The following COL28A1 variants were observed in gnomAD, a reference collection of about 807,000 sequenced individuals.
COL28A1 encodes collagen type XXVIII alpha 1 chain.
Under a neutral mutation model 150.2 loss-of-function variants are expected in COL28A1, and 161 were observed. That is an observed-to-expected ratio of 1.07 (90% CI 0.94 to 1.22). COL28A1 has a LOEUF of 1.22. Among genes scored for constraint, COL28A1 ranks in the 50% most tolerant of loss-of-function variants. COL28A1 has a pLI of 0.00. For missense variants in COL28A1, 1,617 were observed against 1,388.3 expected (o/e 1.16, Z -2.62); for synonymous variants, 552 against 469.7 (o/e 1.18, Z -2.26).
intron 18 of COL28A1, among the ~76,000 whole-genome samples, chr7:7,447,748 A>G (rs939349721): frequency 2.6e-5 from 4 of 152,216 alleles, no homozygotes; most frequent in Non-Finnish European, 5.9e-5. Context: ...CATGGAAGAA[A>G]AGATTAGTGA....
intron 8 of COL28A1, among the ~76,000 whole-genome samples, chr7:7,512,259 AT>A (rs1781183774): frequency 6.6e-6 from 1 of 152,212 alleles, no homozygotes; most frequent in African/African-American, 2.4e-5. Flanking sequence ...AACTAGTTAG[AT>A]AGGAGCAATA....
At chr7:7,492,323 C>A (rs1270114876) in intron 11 of COL28A1, among the ~76,000 whole-genome samples, 1 of 151,678 alleles carries the variant, frequency 6.6e-6, no homozygotes, top group African/African-American at 2.4e-5. Context: ...CCTGTAATCC[C>A]AGCACTTTGG....
rs1004454922 is a variant in COL28A1 at position 7,396,795 on chromosome 7, T to C, written c.2137-15183A>G. ...TTCAAATGGTGATCTAGTTCCATTG[T>C]GTCTGGTGAAAGGCAGAGAAATAGT... On this transcript the variant is annotated intron_variant, in intron 27 of 34. Transcript: ENST00000399429. Among the ~76,000 whole-genome samples the C allele has an allele frequency of 2.6e-5, 4 of 152,224 alleles. 1 individual carries two copies. The highest frequency in any genetic ancestry group is 3.8e-4 in the East Asian group (2 of 5,198).
intron 15 of COL28A1, among the ~76,000 whole-genome samples, chr7:7,461,002 T>G (rs1053458598): frequency 4.6e-5 from 7 of 152,144 alleles, no homozygotes; most frequent in African/African-American, 1.7e-4. Context: ...GGAATACATT[T>G]GGAAAGCCAA....
In COL28A1 at chr7:7,360,552, G is replaced by T. The variant is rs371545925; in HGVS notation, c.3067-24C>A. 5.0e-6 allele frequency: 8 copies of T among 1,584,856 alleles called. No homozygotes were observed. The African/African-American group carries it at 9.6e-5, about 19-fold the overall frequency. On this transcript the variant is annotated intron_variant, in intron 33 of 34. Transcript: ENST00000399429. ...AACTACACAAAAATATTCACATTTT[G>T]TGTTTCTGATAATATCAAGTAAAAA...
intron 9 of COL28A1, among the ~76,000 whole-genome samples, chr7:7,508,348 A>T (rs1780936607): frequency 6.6e-6 from 1 of 152,220 alleles, no homozygotes; most frequent in Non-Finnish European, 1.5e-5. Flanking sequence ...CTTTGACCTA[A>T]TATTATAATG....
At chr7:7,391,443 T>A (rs755975124) in intron 27 of COL28A1, among the ~76,000 whole-genome samples, 2 of 152,238 alleles carry the variant, frequency 1.3e-5, no homozygotes, top group Non-Finnish European at 2.9e-5. Flanking sequence ...CTGAGAAGAA[T>A]GCATATTCTG....
At chr7:7,344,042 C>T in the COL28A1 span, among the ~76,000 whole-genome samples, 2 of 151,622 alleles carry the variant, frequency 1.3e-5, no homozygotes, top group Non-Finnish European at 2.9e-5. Context: ...GGTGCAGGTG[C>T]ATTTCTTAAT....
At chr7:7,345,957 T>C in the COL28A1 span, among the ~76,000 whole-genome samples, 1 of 152,104 alleles carries the variant, frequency 6.6e-6, no homozygotes, top group Non-Finnish European at 1.5e-5. Context: ...TTTTTCATCA[T>C]CCACAAGCTC....
Position 7,385,369 on chromosome 7 carries a change from G to A in COL28A1, c.2137-3757C>T, listed in dbSNP as rs1476777893. Among the ~76,000 whole-genome samples the A allele has an allele frequency of 3.3e-5, 5 of 152,268 alleles. No homozygotes were observed. In the East Asian group the frequency reaches 9.7e-4, roughly 29 times the overall value. On this transcript the variant is annotated intron_variant, in intron 27 of 34. Coordinates refer to ENST00000399429, the MANE Select transcript of COL28A1 (RefSeq NM_001037763.3). ...AAAGGCTCATGGGAGAACACTAAGAGGAAATCCATGGTTGGCTTTGTCTCA... is the reference window on the plus strand; with the variant it reads ...AAAGGCTCATGGGAGAACACTAAGAAGAAATCCATGGTTGGCTTTGTCTCA...
At chr7:7,437,565 T>C (rs1049215413) in intron 21 of COL28A1, 103 bp from the exon 22 acceptor site, 2 of 1,447,836 alleles carry the variant, frequency 1.4e-6, no homozygotes, top group African/African-American at 2.9e-5. Context: ...TAAATTATGT[T>C]ATGACCTCTA....
chr7:7,526,626 A>G (rs997564385), intron 3 of COL28A1, among the ~76,000 whole-genome samples: 2 of 152,128 alleles, frequency 1.3e-5, no homozygotes, highest in Non-Finnish European at 2.9e-5. Flanking sequence ...TTTAACAATG[A>G]GCAATATCTT....
chr7:7,427,918 T>TC (rs987875324), intron 25 of COL28A1, among the ~76,000 whole-genome samples: 8 of 152,176 alleles, frequency 5.3e-5, no homozygotes, highest in Admixed American at 2.0e-4. Flanking sequence ...AGTCATGCTT[T>TC]CTGCTCTGAT....
intron 15 of COL28A1, among the ~76,000 whole-genome samples, chr7:7,459,566 C>T (rs930566377): frequency 6.6e-6 from 1 of 152,134 alleles, no homozygotes; most frequent in African/African-American, 2.4e-5. Flanking sequence ...GAGTTCTCTG[C>T]TTTTTTATAC....
intron 25 of COL28A1, among the ~76,000 whole-genome samples, chr7:7,421,553 C>T (rs936775633): frequency 6.6e-6 from 1 of 152,134 alleles, no homozygotes; most frequent in African/African-American, 2.4e-5. Flanking sequence ...CTGTTTTGCC[C>T]ATATCCTGTT....
At chr7:7,344,458 A>T in the COL28A1 span, among the ~76,000 whole-genome samples, 20 of 152,200 alleles carry the variant, frequency 1.3e-4, no homozygotes, top group South Asian at 4.1e-4. Flanking sequence ...AGTTTATCTC[A>T]ACCTACTTAT....
chr7:7,407,260 G>C (rs564746525), intron 27 of COL28A1, among the ~76,000 whole-genome samples: 2 of 152,064 alleles, frequency 1.3e-5, no homozygotes, highest in South Asian at 4.1e-4. Flanking sequence ...GGGGGAAGAA[G>C]ACTAGGTCAG....
chr7:7,524,453 C>A (rs1781911911), intron 3 of COL28A1, among the ~76,000 whole-genome samples: 1 of 152,134 alleles, frequency 6.6e-6, no homozygotes, highest in South Asian at 2.1e-4. Flanking sequence ...GATATAACTA[C>A]CATTAAAAAT....
chr7:7,347,903 G>T, the COL28A1 span, among the ~76,000 whole-genome samples: 1 of 152,022 alleles, frequency 6.6e-6, no homozygotes, highest in Non-Finnish European at 1.5e-5. Context: ...TAAGGAAGTT[G>T]AGCCTCCTCA....
Sources: gnomAD v4.1 joint callset for allele counts (sites outside exome capture counted in the v4.1 genomes callset) on GRCh38, gnomAD v4.1.1 for gene constraint, MANE v1.5 for transcripts, NCBI Gene and HGNC (gene_info 2026-07-23, HGNC 2026-07-21) for gene names.